SPOCK1: variants seen among roughly 807,000 people sequenced by gnomAD.
The protein encoded by SPOCK1 is testican-1.
SPOCK1 carries 23 observed loss-of-function variants against 55.3 expected under a neutral mutation model. That is an observed-to-expected ratio of 0.42 (90% confidence interval 0.30 to 0.59). SPOCK1 has a LOEUF of 0.59. Ranked by LOEUF, SPOCK1 falls within the 20% of genes least tolerant of loss-of-function variation. SPOCK1 has a pLI of 0.22. For missense variants in SPOCK1, 499 were observed against 552.5 expected (o/e 0.90, Z 0.97); for synonymous variants, 226 against 221.0 (o/e 1.02, Z -0.20).
intron 9 of SPOCK1, among the ~76,000 whole-genome samples, chr5:136,981,869 T>C (rs936545799): frequency 1.8e-4 from 27 of 152,240 alleles, no homozygotes; most frequent in African/African-American, 6.5e-4. Context: ...ACAGTTCTAT[T>C]CCATTTTAAG....
At chr5:137,402,127 C>A (rs1338418207) in intron 2 of SPOCK1, among the ~76,000 whole-genome samples, 2 of 152,152 alleles carry the variant, frequency 1.3e-5, no homozygotes, top group Admixed American at 1.3e-4. Flanking sequence ...CACCAAAAAG[C>A]CAGGGAAGAC....
chr5:137,464,691 T>A (rs553989245), intron 2 of SPOCK1, among the ~76,000 whole-genome samples: 1 of 152,160 alleles, frequency 6.6e-6, no homozygotes, highest in South Asian at 2.1e-4. Flanking sequence ...AAGGAGCAGG[T>A]CTAGGACAAA....
intron 3 of SPOCK1, among the ~76,000 whole-genome samples, chr5:137,214,796 A>G (rs116144002): frequency 1.5e-3 from 225 of 152,324 alleles, no homozygotes; most frequent in African/African-American, 5.3e-3. Flanking sequence ...GAATGAGTAG[A>G]GATGACATGA....
At chr5:137,498,235 C>T (rs113882900) in intron 2 of SPOCK1, 138 bp downstream of exon 2, 19,599 of 878,998 alleles carry the variant, frequency 0.022, 266 homozygotes, top group Non-Finnish European at 0.026. Flanking sequence ...GACCAGCCCC[C>T]GCGGGAGATG....
intron 5 of SPOCK1, among the ~76,000 whole-genome samples, chr5:137,093,433 T>G (rs1256849970): frequency 6.6e-6 from 1 of 152,252 alleles, no homozygotes; most frequent in African/African-American, 2.4e-5. Context: ...CAGTGTTTAC[T>G]GAGAATCTAC....
At chr5:137,169,084 GCA>G (rs1246649755) in intron 3 of SPOCK1, among the ~76,000 whole-genome samples, 1 of 152,098 alleles carries the variant, frequency 6.6e-6, no homozygotes, top group Non-Finnish European at 1.5e-5. Flanking sequence ...AAGTGGCTGG[GCA>G]CAGAAAGACA....
At chr5:137,081,338 A>T (rs10477790) in intron 5 of SPOCK1, among the ~76,000 whole-genome samples, 2 of 152,206 alleles carry the variant, frequency 1.3e-5, no homozygotes, top group African/African-American at 4.8e-5. Flanking sequence ...AAAGTGATAG[A>T]GAGGCAGTAT....
At chr5:137,227,529 A>T (rs1755968380) in intron 3 of SPOCK1, among the ~76,000 whole-genome samples, 1 of 152,218 alleles carries the variant, frequency 6.6e-6, no homozygotes, top group African/African-American at 2.4e-5. Flanking sequence ...GTCTTTGAGC[A>T]TTTGGCATCT....
At chr5:137,143,222 G>A (rs1754132126) in intron 3 of SPOCK1, among the ~76,000 whole-genome samples, 1 of 152,204 alleles carries the variant, frequency 6.6e-6, no homozygotes, top group Non-Finnish European at 1.5e-5. Context: ...GTGGATGTCA[G>A]AGACAGAGAA....
chr5:137,099,070 T>C (rs142182219), intron 5 of SPOCK1, among the ~76,000 whole-genome samples: 24 of 152,358 alleles, frequency 1.6e-4, no homozygotes, highest in Non-Finnish European at 2.4e-4. Context: ...TCCAGAGTGA[T>C]TGAGTGTTCG....
At chr5:137,306,966 A>G (rs754634860) in intron 2 of SPOCK1, among the ~76,000 whole-genome samples, 24 of 152,224 alleles carry the variant, frequency 1.6e-4, no homozygotes, top group Non-Finnish European at 3.2e-4. Flanking sequence ...CAGTGGTCTC[A>G]GAATGCACTA....
intron 3 of SPOCK1, among the ~76,000 whole-genome samples, chr5:137,221,322 G>A (rs1200501553): frequency 6.6e-6 from 1 of 152,170 alleles, no homozygotes; most frequent in East Asian, 1.9e-4. Flanking sequence ...TTCAGAAACT[G>A]CCATGTGCAT....
intron 2 of SPOCK1, among the ~76,000 whole-genome samples, chr5:137,478,748 T>A (rs1753889477): frequency 6.6e-6 from 1 of 152,078 alleles, no homozygotes; most frequent in Admixed American, 6.5e-5. Context: ...ACTCTATTGT[T>A]TAAATGGGAC....
chr5:137,207,524 A>G (rs1481081558), intron 3 of SPOCK1, among the ~76,000 whole-genome samples: 2 of 152,222 alleles, frequency 1.3e-5, no homozygotes, highest in African/African-American at 2.4e-5. Flanking sequence ...ACCTGCAGGT[A>G]ACAATAGGTC....
intron 2 of SPOCK1, among the ~76,000 whole-genome samples, chr5:137,403,604 G>A (rs1325794198): frequency 3.3e-5 from 5 of 152,072 alleles, no homozygotes; most frequent in Non-Finnish European, 7.4e-5. Flanking sequence ...GGTGTGGCCA[G>A]GTTGTAGTAA....
intron 3 of SPOCK1, among the ~76,000 whole-genome samples, chr5:137,147,605 C>T (rs999932088): frequency 2.0e-5 from 3 of 152,148 alleles, no homozygotes; most frequent in East Asian, 1.9e-4. Context: ...AGCCCTCTCT[C>T]GTGTCTCTTC....
intron 2 of SPOCK1, among the ~76,000 whole-genome samples, chr5:137,335,682 C>A (rs1750255460): frequency 6.6e-6 from 1 of 152,228 alleles, no homozygotes; most frequent in Non-Finnish European, 1.5e-5. Context: ...ACCTCCCTCC[C>A]CTCATCAGGC....
chr5:137,450,767 C>T (rs932677507), intron 2 of SPOCK1, among the ~76,000 whole-genome samples: 4 of 151,956 alleles, frequency 2.6e-5, no homozygotes, highest in Non-Finnish European at 5.9e-5. Flanking sequence ...AAGTCATAGG[C>T]TCTCTCCCCT....
intron 2 of SPOCK1, among the ~76,000 whole-genome samples, chr5:137,396,950 G>A (rs1382400606): frequency 6.6e-6 from 1 of 152,114 alleles, no homozygotes; most frequent in Non-Finnish European, 1.5e-5. Flanking sequence ...TTTATACTTT[G>A]AATGCTTAAA....
Sources: gnomAD v4.1 joint callset for allele counts (sites outside exome capture counted in the v4.1 genomes callset) on GRCh38, gnomAD v4.1.1 for gene constraint, MANE v1.5 for transcripts, NCBI Gene and HGNC (gene_info 2026-07-23, HGNC 2026-07-21) for gene names.